ELP1: variants seen among roughly 807,000 people sequenced by gnomAD.
ELP1 encodes the protein elongator complex protein 1.
ELP1 carries 131 observed loss-of-function variants against 183.2 expected under a neutral mutation model. The observed-to-expected ratio is 0.72, with a 90% CI of 0.62 to 0.83. The LOEUF (loss-of-function observed/expected upper bound fraction) is 0.83, where lower values mean the gene tolerates loss of function less well. ELP1 is among the 40% of genes least tolerant of loss of function. The pLI, the probability that ELP1 is intolerant of heterozygous loss-of-function variation, is 0.00. For missense variants in ELP1, 1,550 were observed against 1,594.9 expected, an observed-to-expected ratio of 0.97 and a Z score of 0.48; for synonymous variants, 555 against 569.0, an observed-to-expected ratio of 0.98 and a Z score of 0.35.
At chr9:108,909,785 C>G (rs7030308) in intron 12 of ELP1, among the ~76,000 whole-genome samples, 17,255 of 152,116 alleles carry the variant, frequency 0.11, 1,171 homozygotes, top group Middle Eastern at 0.15. Flanking sequence ...AACAATCTTT[C>G]AAAAGTGGAG....
chr9:108,924,253 C>T (rs956160626), intron 5 of ELP1, among the ~76,000 whole-genome samples: 3 of 152,152 alleles, frequency 2.0e-5, no homozygotes, highest in Admixed American at 1.3e-4. Flanking sequence ...ACTTTCACAC[C>T]TCAACATTAG....
intron 19 of ELP1, 54 bp downstream of exon 19, chr9:108,900,206 G>A (rs1828714998): frequency 1.7e-6 from 2 of 1,209,092 alleles, no homozygotes; most frequent in Non-Finnish European, 2.5e-6. Context: ...ATTATGCTTG[G>A]TACTTGGCTG....
rs1353379239 is a variant in ELP1 at position 108,868,963 on chromosome 9, T to C, written c.*152A>G. 1.4e-6 allele frequency: 1 copy of C among 724,466 alleles called. No individual in the cohort carries two copies. Among genetic ancestry groups the C allele is most frequent in the Non-Finnish European group, 2.5e-6 (1 of 393,052 alleles). The allele number at this position is 724,466 out of a possible 1,614,324, so 44.9% of individuals were successfully genotyped here. A position where few individuals can be genotyped will look rare whatever the true frequency, so the allele number is the denominator to read the frequency against. ...AACATAAAATAAATAGAATTGCTTG[T>C]TGTCTGCTGAAGTTCTTGGCAATGC... On this transcript the variant is annotated 3_prime_UTR_variant, in exon 37 of 37. Coordinates refer to ENST00000374647, the MANE Select transcript of ELP1 (RefSeq NM_003640.5).
intron 25 of ELP1, among the ~76,000 whole-genome samples, chr9:108,894,441 G>A (rs971968188): frequency 1.3e-5 from 2 of 152,188 alleles, no homozygotes; most frequent in Non-Finnish European, 2.9e-5. Context: ...CTGTGTTTGA[G>A]AGAGATCCAC....
At chr9:108,906,968 C>G (rs755646070) in intron 13 of ELP1, among the ~76,000 whole-genome samples, 2 of 152,198 alleles carry the variant, frequency 1.3e-5, no homozygotes, top group Non-Finnish European at 2.9e-5. Flanking sequence ...GACCAGCGCA[C>G]TGTTCTTGTC....
chr9:108,918,817 G>T lies in ELP1; in HGVS notation c.734C>A (p.Ala245Asp). ...GGTTTCTTCTCCCACTCACTTCCAA[G>T]CCAGGGCTGGTCCCAGTCCTGCCAC... ...EPVAGLGPAL[A>D]WKPSGSLIAS... The change falls in exon 8 of 37, where the codon GCT (alanine) becomes GAT (aspartate). Residue 245 changes from alanine to aspartate, a missense_variant. Transcript: ENST00000374647. 1 of 1,613,138 alleles carries T rather than the reference G, an allele frequency of 6.2e-7. No individual in the cohort carries two copies. Among genetic ancestry groups the T allele is most frequent in the Middle Eastern group, 1.7e-4 (1 of 6,060 alleles).
intron 5 of ELP1, among the ~76,000 whole-genome samples, chr9:108,924,500 C>T (rs1194341148): frequency 6.6e-6 from 1 of 151,742 alleles, no homozygotes; most frequent in Non-Finnish European, 1.5e-5. Context: ...CAGTGGGAAA[C>T]ACCAGGCCCA....
intron 12 of ELP1, among the ~76,000 whole-genome samples, chr9:108,909,766 T>C (rs372335167): frequency 2.0e-5 from 3 of 152,136 alleles, no homozygotes; most frequent in African/African-American, 7.2e-5. Context: ...ACCCCACATA[T>C]TGATGCCGAA....
At chr9:108,910,915 A>T in intron 12 of ELP1, 95 bp downstream of exon 12, 1 of 1,083,144 alleles carries the variant, frequency 9.2e-7, no homozygotes, top group Non-Finnish European at 1.4e-6. Flanking sequence ...TTTGAGAAAC[A>T]CTAGACCTAT....
At chr9:108,891,103 C>T in intron 28 of ELP1, 100 bp downstream of exon 28, 1 of 1,113,384 alleles carries the variant, frequency 9.0e-7, no homozygotes, top group South Asian at 1.2e-5. Flanking sequence ...AAGACTGTCT[C>T]AGAGTATTCT....
In ELP1 at chr9:108,927,471, G is replaced by A. The variant is rs147293637; in HGVS notation, c.304-18C>T. On this transcript the variant is annotated intron_variant, in intron 3 of 36. Transcript: ENST00000374647. ...CACTCCAGCTGAGACAGAGAAAATTGAAAAGAGAGATTCAAACACTAGCAT... is the reference window on the plus strand; with the variant it reads ...CACTCCAGCTGAGACAGAGAAAATTAAAAAGAGAGATTCAAACACTAGCAT... The A allele has an allele frequency of 6.3e-6, 10 of 1,593,808 alleles. No homozygotes were observed. The highest frequency in any genetic ancestry group is 5.0e-5 in the Admixed American group (3 of 59,972).
intron 10 of ELP1, among the ~76,000 whole-genome samples, chr9:108,912,715 T>C (rs1204017573): frequency 6.6e-6 from 1 of 152,136 alleles, no homozygotes; most frequent in African/African-American, 2.4e-5. Flanking sequence ...TTTCTTGTTT[T>C]TTTTCTATTT....
In ELP1 at chr9:108,896,651, G is replaced by A. The variant is rs1828557904; in HGVS notation, c.2588-7C>T. 1 of 1,613,332 alleles carries A rather than the reference G, an allele frequency of 6.2e-7. No homozygotes were observed. The highest frequency in any genetic ancestry group is 1.3e-5 in the African/African-American group (1 of 75,012). On this transcript the variant is annotated splice_polypyrimidine_tract_variant and splice_region_variant and intron_variant, in intron 24 of 36. Coordinates refer to ENST00000374647, the MANE Select transcript of ELP1 (RefSeq NM_003640.5). ...GGATCAGAGGGAGCATTTCCTAACA[G>A]TGTTTAGAAAACAAAACAGAACACA... is the stretch of plus-strand genomic sequence containing the variant.
intron 14 of ELP1, among the ~76,000 whole-genome samples, chr9:108,905,868 TACACACAC>T (rs35044796): frequency 1.4e-5 from 2 of 148,062 alleles, no homozygotes; most frequent in South Asian, 2.2e-4. Context: ...AAGGTATGTA[TACACACAC>T]ACACACACAC....
intron 13 of ELP1, among the ~76,000 whole-genome samples, chr9:108,907,871 A>G (rs1829076023): frequency 6.6e-6 from 1 of 152,210 alleles, no homozygotes; most frequent in Non-Finnish European, 1.5e-5. Flanking sequence ...ATGCATTCTG[A>G]TTTCCATCCC....
intron 18 of ELP1, among the ~76,000 whole-genome samples, chr9:108,900,743 T>C (rs1366218801): frequency 6.6e-6 from 1 of 151,528 alleles, no homozygotes; most frequent in Non-Finnish European, 1.5e-5. Context: ...GTTGGCTTTT[T>C]AGAATAAGGA....
chr9:108,900,782 CAT>C (rs1327686009), intron 18 of ELP1, among the ~76,000 whole-genome samples: 11 of 150,920 alleles, frequency 7.3e-5, no homozygotes, highest in Non-Finnish European at 1.5e-4. Context: ...GCCACACACA[CAT>C]ACACGCCACA....
chr9:108,882,747 A>G (rs1308862594), intron 29 of ELP1, among the ~76,000 whole-genome samples: 1 of 152,008 alleles, frequency 6.6e-6, no homozygotes, highest in African/African-American at 2.4e-5. Flanking sequence ...GGAATATGCC[A>G]CCACACCCAG....
At chr9:108,901,080 A>G (rs968994175) in intron 18 of ELP1, among the ~76,000 whole-genome samples, 6 of 152,180 alleles carry the variant, frequency 3.9e-5, no homozygotes, top group Non-Finnish European at 8.8e-5. Flanking sequence ...GGGTGGGCAC[A>G]GTGGGAAAAG....
Sources: allele counts gnomAD v4.1 joint callset (sites outside exome capture counted in the v4.1 genomes callset), GRCh38; gene constraint gnomAD v4.1.1; transcripts MANE v1.5; gene names NCBI Gene and HGNC (gene_info 2026-07-23, HGNC 2026-07-21).